Variants in PLXDC1 observed in about 807,000 individuals in gnomAD.
PLXDC1 encodes plexin domain containing 1.
Under a neutral mutation model 61.3 loss-of-function variants are expected in PLXDC1, and 39 were observed. That is an observed-to-expected ratio of 0.64 (90% CI 0.49 to 0.83). The LOEUF is 0.83. Ranked by LOEUF, PLXDC1 falls within the 40% of genes least tolerant of loss-of-function variation. The pLI, the probability that PLXDC1 is intolerant of heterozygous loss-of-function variation, is 0.00. For synonymous variants in PLXDC1, 212 were observed against 254.5 expected (o/e 0.83, Z 1.59); for missense variants, 596 against 666.5 (o/e 0.89, Z 1.17).
At chr17:39,132,981 G>C (rs1911614891) in intron 2 of PLXDC1, among the ~76,000 whole-genome samples, 1 of 152,076 alleles carries the variant, frequency 6.6e-6, no homozygotes, top group South Asian at 2.1e-4. Flanking sequence ...AACTCTGTGA[G>C]ACAGACCAAA....
chr17:39,080,305 C>G (rs1953067658), intron 9 of PLXDC1: 1 of 152,126 alleles, frequency 6.6e-6, no homozygotes, highest in South Asian at 2.1e-4. Flanking sequence ...TTCTTTTAGA[C>G]TGTGCTAACT....
rs1023937555 is a variant in PLXDC1 at position 39,151,034 on chromosome 17, G to T, written c.76+328C>A. Reference sequence around the variant, plus strand: ...TCATCAGAATTCAGCCTTGCCTGGGGTGATCAGGGGTCCTGATGACTCTCC... The same window carrying T: ...TCATCAGAATTCAGCCTTGCCTGGGTTGATCAGGGGTCCTGATGACTCTCC... On this transcript the variant is annotated intron_variant, in intron 1 of 13. Coordinates refer to ENST00000315392, the MANE Select transcript of PLXDC1 (RefSeq NM_020405.5). The surrounding 1 kb of genome is among the most constrained non-coding windows in gnomAD (Gnocchi z 5.2). Among the ~76,000 whole-genome samples, 3 of 152,148 alleles carry T rather than the reference G, an allele frequency of 2.0e-5. No homozygotes were observed. Among genetic ancestry groups the T allele is most frequent in the African/African-American group, 7.2e-5 (3 of 41,432 alleles).
At chr17:39,138,939 G>C (rs1258030323) in intron 2 of PLXDC1, among the ~76,000 whole-genome samples, 1 of 151,942 alleles carries the variant, frequency 6.6e-6, no homozygotes, top group Non-Finnish European at 1.5e-5. Flanking sequence ...CACAGTGACA[G>C]ACAGGTACAC....
intron 2 of PLXDC1, among the ~76,000 whole-genome samples, chr17:39,138,236 C>T (rs1911817906): frequency 6.6e-6 from 1 of 152,128 alleles, no homozygotes; most frequent in South Asian, 2.1e-4. Flanking sequence ...ATGCCCAGCC[C>T]ACACTGGAAT....
chr17:39,102,991 T>C (rs565680797), intron 7 of PLXDC1, among the ~76,000 whole-genome samples: 3 of 152,014 alleles, frequency 2.0e-5, no homozygotes, highest in South Asian at 4.2e-4. Flanking sequence ...CCAAGGAGGG[T>C]GGATCACAAG....
chr17:39,122,820 C>A (rs147499917), intron 2 of PLXDC1, among the ~76,000 whole-genome samples: 155 of 152,292 alleles, frequency 1.0e-3, no homozygotes, highest in African/African-American at 3.6e-3. Flanking sequence ...TTTTGGGAGG[C>A]AGTGTGATAT....
intron 2 of PLXDC1, among the ~76,000 whole-genome samples, chr17:39,128,780 G>C (rs1315078247): frequency 1.4e-5 from 2 of 143,154 alleles, no homozygotes; most frequent in Non-Finnish European, 3.1e-5. Context: ...GGAGGTCGAG[G>C]TGGGCAGATC....
chr17:39,134,662 GAAAA>G (rs2143900869), intron 2 of PLXDC1, among the ~76,000 whole-genome samples: 1 of 150,428 alleles, frequency 6.6e-6, no homozygotes, highest in South Asian at 2.1e-4. Flanking sequence ...ACAAAGAAAA[GAAAA>G]GAAAGAAAGA....
chr17:39,125,429 TTTC>T (rs1911286085), intron 2 of PLXDC1, among the ~76,000 whole-genome samples: 1 of 151,956 alleles, frequency 6.6e-6, no homozygotes, highest in Admixed American at 6.6e-5. Flanking sequence ...GTATTAAGCA[TTTC>T]TTAATACCCC....
chr17:39,152,469 C>T, upstream of PLXDC1: 1 of 1,131,996 alleles, frequency 8.8e-7, no homozygotes, highest in Non-Finnish European at 1.1e-6. Flanking sequence ...ATAAAAATAC[C>T]CGCAATGTAG....
chr17:39,088,963 A>AAGAG lies in PLXDC1; in HGVS notation c.812-1265_812-1262dup, dbSNP rs1555570852. On this transcript the variant is annotated intron_variant, in intron 7 of 13. Transcript: ENST00000315392. ...AGACTGAAAAAAAAAAAAAAAAAAA[A>AAGAG]AGAGAGAGAGAGAAAAAGAAAGAAA... is the stretch of plus-strand genomic sequence containing the variant. 2.8e-3 allele frequency among the ~76,000 whole-genome samples: 335 copies of AAGAG among 119,540 alleles called. 5 individuals are homozygous for AAGAG. The highest frequency in any genetic ancestry group is 0.011 in the African/African-American group (315 of 28,732). 78.4% of individuals were successfully genotyped at this position (119,540 alleles called of 152,430 possible).
rs1206008581 is a variant in PLXDC1, at chr17:39,134,396, C to T, written c.255+5258G>A. Among the ~76,000 whole-genome samples the T allele has an allele frequency of 2.0e-5, 3 of 151,766 alleles. No homozygotes were observed. The South Asian group carries it at 6.2e-4, about 31-fold the overall frequency. Reference sequence around the variant, plus strand: ...ATCCTAGCACTTTGGGAGGCCGAAGCGGGTGGATTGCCTGAGCTCAGGAGT... The same window carrying T: ...ATCCTAGCACTTTGGGAGGCCGAAGTGGGTGGATTGCCTGAGCTCAGGAGT... On this transcript the variant is annotated intron_variant, in intron 2 of 13. Coordinates refer to ENST00000315392, the MANE Select transcript of PLXDC1 (RefSeq NM_020405.5).
intron 7 of PLXDC1, among the ~76,000 whole-genome samples, chr17:39,105,517 G>A (rs1401234417): frequency 2.0e-5 from 3 of 152,116 alleles, no homozygotes; most frequent in Non-Finnish European, 4.4e-5. Context: ...GAGTGGGAAG[G>A]CCACAATGGT....
At chr17:39,115,177 T>C (rs1001091466) in intron 2 of PLXDC1, among the ~76,000 whole-genome samples, 1 of 152,250 alleles carries the variant, frequency 6.6e-6, no homozygotes, top group African/African-American at 2.4e-5. Flanking sequence ...GAGTTCCCGA[T>C]GACCCCTGCA....
At chr17:39,114,473 C>G (rs1910904844) in intron 2 of PLXDC1, among the ~76,000 whole-genome samples, 2 of 152,196 alleles carry the variant, frequency 1.3e-5, no homozygotes, top group South Asian at 4.1e-4. Context: ...CTTCTTTCTC[C>G]TGGTGTTTTG....
chr17:39,097,554 G>A (rs771483141), intron 7 of PLXDC1, among the ~76,000 whole-genome samples: 4 of 152,066 alleles, frequency 2.6e-5, no homozygotes, highest in Non-Finnish European at 4.4e-5. Flanking sequence ...CCAGAAAAAC[G>A]CATGGATGTG....
In PLXDC1 at chr17:39,067,589, A is replaced by G. The variant is rs1425738425; in HGVS notation, c.*251T>C. On this transcript the variant is annotated 3_prime_UTR_variant, in exon 14 of 14. Coordinates refer to ENST00000315392, the MANE Select transcript of PLXDC1 (RefSeq NM_020405.5). The stretch of plus-strand genomic sequence containing the variant: ...CTGTTTCATGGTTACAAGACACAGA[A>G]GAGAACCCTTGCATCAAAACAGGAT... The G allele has an allele frequency of 2.4e-6, 1 of 421,460 alleles. No homozygotes were observed. Among genetic ancestry groups the G allele is most frequent in the East Asian group, 3.8e-5 (1 of 26,292 alleles). The allele number at this position is 421,460 out of a possible 1,614,324, so 26.1% of individuals were successfully genotyped here. A position where few individuals can be genotyped will look rare whatever the true frequency, so the allele number is the denominator to read the frequency against.
At chr17:39,096,836 A>G (rs969231721) in intron 7 of PLXDC1, 3 of 452,698 alleles carry the variant, frequency 6.6e-6, no homozygotes, top group Admixed American at 4.9e-5. Flanking sequence ...AGGAAATAAT[A>G]TTGACTTCCG....
In PLXDC1 at chr17:39,081,864, G is replaced by A. The variant is rs137866017; in HGVS notation, c.989+1595C>T. 3.6e-3 allele frequency among the ~76,000 whole-genome samples: 550 copies of A among 151,636 alleles called. 1 individual carries two copies. The highest frequency in any genetic ancestry group is 0.013 in the African/African-American group (523 of 41,310). ...GGACTGAGGCAGGAGGATTGCTTGA[G>A]CCAGGAGGTTGAGGCCACAGTGAGC... On this transcript the variant is annotated intron_variant, in intron 9 of 13. Transcript: ENST00000315392.
Sources: allele counts gnomAD v4.1 joint callset (sites outside exome capture counted in the v4.1 genomes callset), GRCh38; gene constraint gnomAD v4.1.1; non-coding constraint Gnocchi (gnomAD v3.1); transcripts MANE v1.5; gene names NCBI Gene and HGNC (gene_info 2026-07-23, HGNC 2026-07-21).